Variants in RC3H2 observed in about 807,000 individuals in gnomAD.
The protein encoded by RC3H2 is ring finger and CCCH-type domains 2, also known as roquin-2.
RC3H2 carries 31 observed loss-of-function variants against 133.3 expected under a neutral mutation model. That is an observed-to-expected ratio of 0.23 (90% CI 0.17 to 0.31). RC3H2 has a LOEUF of 0.31. RC3H2 is among the 10% of genes least tolerant of loss of function. The pLI, the probability that RC3H2 is intolerant of heterozygous loss-of-function variation, is 1.00. For missense variants in RC3H2, 1,175 were observed against 1,437.2 expected (o/e 0.82, Z 2.95); for synonymous variants, 517 against 502.2 (o/e 1.03, Z -0.40).
At chr9:122,851,964 T>G (rs1427406089) in intron 18 of RC3H2, among the ~76,000 whole-genome samples, 1 of 144,576 alleles carries the variant, frequency 6.9e-6, no homozygotes, top group African/African-American at 2.6e-5. Context: ...GCCCATCGTC[T>G]GGGATGTGAG....
At chr9:122,853,345 C>G (rs1438539841) in intron 18 of RC3H2, among the ~76,000 whole-genome samples, 1 of 149,254 alleles carries the variant, frequency 6.7e-6, no homozygotes, top group Non-Finnish European at 1.5e-5. Context: ...CCTGCCAAAT[C>G]CCCCTCTGTG....
rs1246514854 is a variant in RC3H2 at position 122,896,080 on chromosome 9, C to A, written c.231+1199G>T. ...CCATACTGGAAGAATTGTCTTGGGC[C>A]ACACATAAGATACACTAACACTAAC... is the stretch of plus-strand genomic sequence containing the variant. On this transcript the variant is annotated intron_variant, in intron 2 of 20. Coordinates refer to ENST00000357244, the MANE Select transcript of RC3H2 (RefSeq NM_001100588.3). Among the ~76,000 whole-genome samples, 643 of 148,304 alleles carry A rather than the reference C, an allele frequency of 4.3e-3. 3 individuals carry two copies. Among genetic ancestry groups the A allele is most frequent in the African/African-American group, 0.015 (609 of 40,170 alleles).
intron 2 of RC3H2, among the ~76,000 whole-genome samples, chr9:122,894,237 C>T (rs1025418702): frequency 9.4e-5 from 14 of 149,702 alleles, no homozygotes; most frequent in African/African-American, 2.2e-4. Flanking sequence ...CCAGCCTGGG[C>T]GACAGAGCAA....
At chr9:122,876,990 A>G (rs967884983) in intron 9 of RC3H2, among the ~76,000 whole-genome samples, 1 of 152,228 alleles carries the variant, frequency 6.6e-6, no homozygotes, top group Non-Finnish European at 1.5e-5. Context: ...CAGTATAAAT[A>G]TGGATTCCAG....
chr9:122,877,084 G>A (rs1831372609), intron 9 of RC3H2, among the ~76,000 whole-genome samples: 1 of 152,128 alleles, frequency 6.6e-6, no homozygotes. Context: ...TATATGTTTT[G>A]TTGTGAGGCA....
chr9:122,858,483 C>T (rs1290612217), intron 12 of RC3H2, among the ~76,000 whole-genome samples, 186 bp downstream of exon 12: 1 of 152,242 alleles, frequency 6.6e-6, no homozygotes, highest in Non-Finnish European at 1.5e-5. Context: ...ATTCTCACAA[C>T]AGCCTTATGA....
At chr9:122,879,956 GA>G (rs1157956127) in intron 7 of RC3H2, 36 bp downstream of exon 7, 1 of 1,611,932 alleles carries the variant, frequency 6.2e-7, no homozygotes, top group Non-Finnish European at 8.5e-7. Flanking sequence ...CTCAAAAGTA[GA>G]AAAAAATATA....
intron 9 of RC3H2, among the ~76,000 whole-genome samples, chr9:122,868,766 A>T (rs1564296337): frequency 6.6e-6 from 1 of 151,944 alleles, no homozygotes; most frequent in Non-Finnish European, 1.5e-5. Context: ...ATAAATAAAT[A>T]AAAAGAAAAT....
At position 122,851,234 on chromosome 9, in the gene RC3H2, G is replaced by A. The variant is rs1830007886; in HGVS notation, c.3232-5C>T. 1.9e-6 allele frequency: 3 copies of A among 1,613,656 alleles called. No individual in the cohort carries two copies. Among genetic ancestry groups the A allele is most frequent in the Non-Finnish European group, 2.5e-6 (3 of 1,179,668 alleles). ...AAGCTGTATGTCCAAGATCTCCTAA[G>A]AAAATAAAATGTTAATCCTTCAGTA... is the stretch of plus-strand genomic sequence containing the variant. On this transcript the variant is annotated splice_polypyrimidine_tract_variant and splice_region_variant and intron_variant, in intron 19 of 20. Coordinates refer to ENST00000357244, the MANE Select transcript of RC3H2 (RefSeq NM_001100588.3).
chr9:122,859,199 A>G, intron 11 of RC3H2, 97 bp from the exon 12 acceptor site: 1 of 973,500 alleles, frequency 1.0e-6, no homozygotes, highest in Non-Finnish European at 1.4e-6. Flanking sequence ...GTAGGAAAAT[A>G]TAATAAGCTT....
At chr9:122,875,326 G>A (rs1211610746) in intron 9 of RC3H2, 62 of 1,550,624 alleles carry the variant, frequency 4.0e-5, no homozygotes, top group South Asian at 7.1e-5. Context: ...TAGCCACTGA[G>A]GAAAGGAGAC....
At position 122,865,373 on chromosome 9, in the gene RC3H2, G is replaced by A; in HGVS notation, c.1610C>T (p.Pro537Leu). 6.2e-7 allele frequency: 1 copy of A among 1,608,974 alleles called. No individual in the cohort carries two copies. The highest frequency in any genetic ancestry group is 8.5e-7 in the Non-Finnish European group (1 of 1,175,732). Residue 537 changes from proline to leucine, a missense_variant, in exon 10 of 21, where the codon CCC becomes CTC. Physicochemically the swap from Pro to Leu is moderately conservative, Grantham distance 98 (BLOSUM62 -3). Around this residue, in one of 8 missense-constraint regions of RC3H2, gnomAD observed 490 missense variants for 492.8 expected, o/e 0.99. Coordinates refer to ENST00000357244, the MANE Select transcript of RC3H2 (RefSeq NM_001100588.3). ...CTTTTCAGTTACAGAATCTGCAGAG[G>A]GCCCAGCAGCATTCTGACCATTAGC... is the stretch of plus-strand genomic sequence containing the variant. ...VGANGQNAAGPSADSVTENKI... is the reference protein window; with the variant it reads ...VGANGQNAAGLSADSVTENKI...
chr9:122,897,169 C>G (rs1832460484), intron 2 of RC3H2, 110 bp downstream of exon 2: 2 of 874,882 alleles, frequency 2.3e-6, no homozygotes, highest in Admixed American at 2.8e-5. Flanking sequence ...GGGCCGCATT[C>G]AAAGATGTCC....
At chr9:122,852,567 G>A (rs557449106) in intron 18 of RC3H2, among the ~76,000 whole-genome samples, 26 of 148,536 alleles carry the variant, frequency 1.8e-4, no homozygotes, top group Middle Eastern at 3.5e-3. Context: ...CAGCCGCCCC[G>A]TCCGGGAGGG....
intron 5 of RC3H2, among the ~76,000 whole-genome samples, chr9:122,882,628 C>T (rs773276161): frequency 1.3e-5 from 2 of 152,294 alleles, no homozygotes; most frequent in Non-Finnish European, 1.5e-5. Flanking sequence ...TGTCACTACC[C>T]GCTAGACTAT....
rs1214980376 is a variant in RC3H2, at chr9:122,854,564, T to C, written c.2867A>G (p.Asn956Ser). ...AVDSRWSSYG[N>S]EATSSAHYVE... ...ATAGTGTGCTGATGATGTGGCCTCG[T>C]TGCCATATGAACTCCACCTTGAATC... Residue 956 changes from asparagine (N) to serine (S), a missense_variant, in exon 16 of 21, where the codon AAC becomes AGC. Physicochemically the swap from Asn to Ser is conservative, Grantham distance 46. Around this residue, in one of 8 missense-constraint regions of RC3H2, gnomAD observed 138 missense variants for 215.0 expected, o/e 0.64. Transcript: ENST00000357244. 23 of 1,613,482 alleles carry C rather than the reference T, an allele frequency of 1.4e-5. No homozygotes were observed. In the South Asian group the frequency reaches 1.5e-4, roughly 11 times the overall value.
At chr9:122,856,715 A>G (rs1830264155) in intron 13 of RC3H2, among the ~76,000 whole-genome samples, 1 of 152,240 alleles carries the variant, frequency 6.6e-6, no homozygotes, top group South Asian at 2.1e-4. Flanking sequence ...TACTTATAGG[A>G]CCAGAATACT....
intron 14 of RC3H2, 72 bp downstream of exon 14, chr9:122,855,660 A>G (rs1172832291): frequency 1.3e-6 from 2 of 1,503,996 alleles, no homozygotes; most frequent in Admixed American, 4.2e-5. Flanking sequence ...AATAGAAAAC[A>G]TTCATTCTAC....
chr9:122,853,779 G>T (rs1282056852), intron 18 of RC3H2, 173 bp downstream of exon 18: 4 of 1,449,004 alleles, frequency 2.8e-6, no homozygotes, highest in East Asian at 2.5e-5. Context: ...TCTAGTTAAA[G>T]AATTATTTAA....
Sources: gnomAD v4.1 joint callset for allele counts (sites outside exome capture counted in the v4.1 genomes callset) on GRCh38, gnomAD v4.1.1 for gene constraint, gnomAD v4.1.1 regional missense constraint, MANE v1.5 for transcripts, NCBI Gene and HGNC (gene_info 2026-07-23, HGNC 2026-07-21) for gene names.